EVA1C: variants seen among roughly 807,000 people sequenced by gnomAD.
EVA1C encodes the protein protein eva-1 homolog C.
EVA1C carries 25 observed loss-of-function variants against 45.4 expected under a neutral mutation model. The observed-to-expected ratio is 0.55, with a 90% CI of 0.40 to 0.77. EVA1C has a LOEUF of 0.77. Among genes scored for constraint, EVA1C ranks in the 30% least tolerant of loss-of-function variants. The pLI is 0.00. For synonymous variants in EVA1C, 190 were observed against 221.2 expected (o/e 0.86, Z 1.25); for missense variants, 479 against 554.8 (o/e 0.86, Z 1.37).
At chr21:32,500,472 G>C (rs1013749078) in intron 5 of EVA1C, among the ~76,000 whole-genome samples, 1 of 151,898 alleles carries the variant, frequency 6.6e-6, no homozygotes, top group Admixed American at 6.6e-5. Context: ...ACTCTATTGA[G>C]GTGTTATTTT....
intron 1 of EVA1C, among the ~76,000 whole-genome samples, chr21:32,414,884 GAAGA>G (rs928536390): frequency 1.7e-4 from 26 of 152,112 alleles, no homozygotes; most frequent in African/African-American, 6.3e-4. Context: ...CTTTTGGGGA[GAAGA>G]AAGGAAATAT....
intron 1 of EVA1C, among the ~76,000 whole-genome samples, chr21:32,437,968 C>T (rs142661720): frequency 1.9e-4 from 29 of 152,302 alleles, no homozygotes; most frequent in African/African-American, 4.6e-4. Context: ...CAAATAACAC[C>T]GCACGGCCCC....
chr21:32,460,935 A>G (rs930878683), intron 3 of EVA1C, among the ~76,000 whole-genome samples: 11 of 152,130 alleles, frequency 7.2e-5, no homozygotes, highest in Admixed American at 1.3e-4. Context: ...TAGTAGAGAC[A>G]GGGTTTCACC....
At position 32,413,000 on chromosome 21, in the gene EVA1C, C is replaced by T; in HGVS notation, c.147C>T (p.Leu49=). The T allele has an allele frequency of 1.4e-6, 2 of 1,434,034 alleles. No individual in the cohort carries two copies. The highest frequency in any genetic ancestry group is 1.8e-4 in the Middle Eastern group (1 of 5,420). The allele number at this position is 1,434,034 out of a possible 1,614,324, so 88.8% of individuals were successfully genotyped here. The change falls in exon 1 of 8, where the codon CTC becomes CTT. Residue 49 remains leucine (L), a synonymous_variant. Transcript: ENST00000300255. ...VLVCSKEISA[L]TDFSGYLTKL... Reference sequence around the variant, plus strand: ...TCTGCTCCAAAGAGATCTCAGCGCTCACCGACTTCTCTGGTAAGAGCGCCC... The same window carrying T: ...TCTGCTCCAAAGAGATCTCAGCGCTTACCGACTTCTCTGGTAAGAGCGCCC...
intron 7 of EVA1C, 36 bp from the exon 8 acceptor site, chr21:32,514,778 C>T (rs116485887): frequency 6.7e-7 from 1 of 1,502,906 alleles, no homozygotes; most frequent in Non-Finnish European, 8.9e-7. Flanking sequence ...TCTGCCAGCT[C>T]CTCCCAGCTC....
chr21:32,482,735 C>A lies in EVA1C; in HGVS notation c.635-12292C>A, dbSNP rs542543424. Among the ~76,000 whole-genome samples, 3 of 152,338 alleles carry A rather than the reference C, an allele frequency of 2.0e-5. No individual in the cohort carries two copies. In the South Asian group the frequency reaches 6.2e-4, roughly 32 times the overall value. ...GCACAGCAGAAGCATTGCCACTCTC[C>A]TCTGAAGGGTCCTGCTCCATTCAGC... On this transcript the variant is annotated intron_variant, in intron 4 of 7. Transcript: ENST00000300255.
Position 32,515,195 on chromosome 21 carries a change from C to A in EVA1C, c.*5C>A. On this transcript the variant is annotated 3_prime_UTR_variant, in exon 8 of 8. Coordinates refer to ENST00000300255, the MANE Select transcript of EVA1C (RefSeq NM_058187.5). Reference sequence around the variant, plus strand: ...AACATGGGCCAGTTCTACTGAAAACCACATGCATCTTGATGCGATCGCACT... The same window carrying A: ...AACATGGGCCAGTTCTACTGAAAACAACATGCATCTTGATGCGATCGCACT... The A allele has an allele frequency of 6.4e-7, 1 of 1,570,128 alleles. No homozygotes were observed.
At chr21:32,486,012 A>G (rs1161620318) in intron 4 of EVA1C, among the ~76,000 whole-genome samples, 1 of 152,270 alleles carries the variant, frequency 6.6e-6, no homozygotes, top group Non-Finnish European at 1.5e-5. Context: ...GTCAAAGGAC[A>G]TCATCAGAGA....
chr21:32,471,394 T>C (rs1201451942), intron 4 of EVA1C, among the ~76,000 whole-genome samples: 1 of 150,850 alleles, frequency 6.6e-6, no homozygotes, highest in Non-Finnish European at 1.5e-5. Flanking sequence ...TGGCACGATC[T>C]CGGCTCACTG....
At position 32,495,056 on chromosome 21, in the gene EVA1C, C is replaced by G; in HGVS notation, c.664C>G (p.Leu222Val). The G allele has an allele frequency of 6.2e-7, 1 of 1,614,096 alleles. No homozygotes were observed. The highest frequency in any genetic ancestry group is 8.5e-7 in the Non-Finnish European group (1 of 1,180,016). The change falls in exon 5 of 8, where the codon CTA becomes GTA. Residue 222 changes from leucine (L) to valine (V), a missense_variant. Around this residue, in one of 3 missense-constraint regions of EVA1C, gnomAD observed 366 missense variants for 426.1 expected, o/e 0.86. Coordinates refer to ENST00000300255, the MANE Select transcript of EVA1C (RefSeq NM_058187.5). ...DCLSYSALQV[L>V]SRRCYGKQRC... ...CTTGTCTTACTCAGCTTTGCAAGTC[C>G]TATCCCGAAGGTGCTATGGGAAGCA...
intron 5 of EVA1C, among the ~76,000 whole-genome samples, chr21:32,496,198 T>C (rs1393059835): frequency 6.6e-6 from 1 of 152,182 alleles, no homozygotes; most frequent in African/African-American, 2.4e-5. Flanking sequence ...CCATCTACTT[T>C]CTGTCTTTAT....
At chr21:32,442,872 G>A (rs2035228287) in intron 1 of EVA1C, among the ~76,000 whole-genome samples, 1 of 151,852 alleles carries the variant, frequency 6.6e-6, no homozygotes, top group South Asian at 2.1e-4. Context: ...GATTGCATTG[G>A]AAGCCTCTGG....
chr21:32,494,717 A>G (rs2037283955), intron 4 of EVA1C, among the ~76,000 whole-genome samples: 1 of 150,828 alleles, frequency 6.6e-6, no homozygotes, highest in Non-Finnish European at 1.5e-5. Flanking sequence ...AGGGAGGCAG[A>G]GGTTGCAGTG....
intron 3 of EVA1C, among the ~76,000 whole-genome samples, chr21:32,458,189 C>T (rs1001557663): frequency 3.9e-5 from 6 of 152,204 alleles, no homozygotes; most frequent in Non-Finnish European, 8.8e-5. Flanking sequence ...TCCTCCCGCC[C>T]TCACCCACGG....
intron 4 of EVA1C, among the ~76,000 whole-genome samples, chr21:32,482,874 T>C (rs906115695): frequency 4.7e-3 from 6 of 1,264 alleles, no homozygotes; most frequent in African/African-American, 0.029. Context: ...TTTTTTTTTT[T>C]TGGAGACAGA....
chr21:32,478,753 CCT>C (rs1460024378), intron 4 of EVA1C, among the ~76,000 whole-genome samples: 6 of 152,372 alleles, frequency 3.9e-5, no homozygotes, highest in Non-Finnish European at 7.3e-5. Flanking sequence ...GAATGTGCCC[CCT>C]GTCTGGGCAT....
intron 1 of EVA1C, among the ~76,000 whole-genome samples, chr21:32,420,640 C>G (rs1054535853): frequency 6.6e-6 from 1 of 152,176 alleles, no homozygotes; most frequent in Admixed American, 6.5e-5. Flanking sequence ...GAGAGCCACC[C>G]GCCCTGGCCT....
chr21:32,439,875 T>G (rs2035109740), intron 1 of EVA1C, among the ~76,000 whole-genome samples: 1 of 152,188 alleles, frequency 6.6e-6, no homozygotes, highest in Admixed American at 6.6e-5. Flanking sequence ...TTAATTATTA[T>G]GAGCAGTGAA....
chr21:32,515,034 G>A lies in EVA1C; in HGVS notation c.1170G>A (p.Leu390=), dbSNP rs1241327671. The change falls in exon 8 of 8, where the codon CTG becomes CTA. Residue 390 remains leucine, a synonymous_variant. Coordinates refer to ENST00000300255, the MANE Select transcript of EVA1C (RefSeq NM_058187.5). ...CTGAGTCTGATTTCCCAGGGGAACT[G>A]TCGGGGTTCTGTAGGACTTCATATC... ...DPSESDFPGE[L]SGFCRTSYPI... 1.2e-6 allele frequency: 2 copies of A among 1,614,202 alleles called. No homozygotes were observed. Among genetic ancestry groups the A allele is most frequent in the Non-Finnish European group, 1.7e-6 (2 of 1,180,026 alleles).
Sources: allele counts gnomAD v4.1 joint callset (sites outside exome capture counted in the v4.1 genomes callset), GRCh38; gene constraint gnomAD v4.1.1; regional missense constraint gnomAD v4.1.1; transcripts MANE v1.5; gene names NCBI Gene and HGNC (gene_info 2026-07-23, HGNC 2026-07-21).